SLC30A9: variants seen among roughly 807,000 people sequenced by gnomAD.
The protein encoded by SLC30A9 is solute carrier family 30 member 9.
A neutral mutation model predicts 87.5 loss-of-function variants in SLC30A9; 58 were observed. That is an observed-to-expected ratio of 0.66 (90% CI 0.54 to 0.82). The LOEUF (loss-of-function observed/expected upper bound fraction) is 0.82, where lower values mean the gene tolerates loss of function less well. Ranked by LOEUF, SLC30A9 falls within the 40% of genes least tolerant of loss-of-function variation. The pLI is 0.00. For synonymous variants in SLC30A9, 234 were observed against 233.0 expected, an observed-to-expected ratio of 1.00 and a Z score of -0.04; for missense variants, 557 against 679.1, an observed-to-expected ratio of 0.82 and a Z score of 2.00.
At chr4:41,992,755 G>T (rs1714508523) in intron 1 of SLC30A9, among the ~76,000 whole-genome samples, 1 of 152,128 alleles carries the variant, frequency 6.6e-6, no homozygotes, top group Non-Finnish European at 1.5e-5. Context: ...TTTAGTTTCA[G>T]TAATGAAGCA....
intron 8 of SLC30A9, among the ~76,000 whole-genome samples, chr4:42,043,109 T>C (rs10805094): frequency 0.65 from 99,252 of 151,996 alleles, 36,898 homozygotes; most frequent in East Asian, 0.96. Context: ...GATAAATCCA[T>C]GAAGATGAGG....
At chr4:42,003,242 A>G (rs1213327872) in intron 2 of SLC30A9, among the ~76,000 whole-genome samples, 1 of 152,128 alleles carries the variant, frequency 6.6e-6, no homozygotes, top group African/African-American at 2.4e-5. Flanking sequence ...TAGTTTAGCA[A>G]TTGGTCAGTT....
chr4:42,054,059 A>G (rs1367921111), intron 9 of SLC30A9, among the ~76,000 whole-genome samples: 3 of 152,154 alleles, frequency 2.0e-5, no homozygotes, highest in Non-Finnish European at 2.9e-5. Context: ...TAACAACCAG[A>G]ACTGTACATT....
At chr4:42,004,664 CTTTTTTTTT>C (rs71198699) in intron 2 of SLC30A9, among the ~76,000 whole-genome samples, 1 of 128,324 alleles carries the variant, frequency 7.8e-6, no homozygotes, top group East Asian at 2.2e-4. Context: ...TTTTCTTTTT[CTTTTTTTTT>C]TTTTGAGACC....
chr4:42,035,514 T>TG (rs1716644200), intron 7 of SLC30A9, among the ~76,000 whole-genome samples, 181 bp downstream of exon 7: 3 of 150,658 alleles, frequency 2.0e-5, no homozygotes, highest in Admixed American at 2.0e-4. Context: ...TTTTTTTTTT[T>TG]GAGACAGAGT....
intron 8 of SLC30A9, among the ~76,000 whole-genome samples, chr4:42,045,055 T>C (rs1358107485): frequency 6.6e-6 from 1 of 152,146 alleles, no homozygotes; most frequent in Admixed American, 6.5e-5. Context: ...GGAACATAGC[T>C]AAAGCAGTGT....
chr4:42,043,571 A>T (rs1466618312), intron 8 of SLC30A9, among the ~76,000 whole-genome samples: 1 of 152,218 alleles, frequency 6.6e-6, no homozygotes, highest in Non-Finnish European at 1.5e-5. Context: ...GGACTATGTG[A>T]AAAGACCAAA....
At chr4:42,006,804 A>G (rs1391056425) in intron 2 of SLC30A9, among the ~76,000 whole-genome samples, 3 of 152,096 alleles carry the variant, frequency 2.0e-5, no homozygotes, top group Non-Finnish European at 4.4e-5. Flanking sequence ...TGAAAGTACA[A>G]GAGACGGTGA....
chr4:42,019,400 G>A (rs1219848439), intron 3 of SLC30A9, among the ~76,000 whole-genome samples: 4 of 152,118 alleles, frequency 2.6e-5, no homozygotes, highest in Non-Finnish European at 5.9e-5. Flanking sequence ...TGCCAAATTG[G>A]TATTGGTATT....
Position 42,070,708 on chromosome 4 carries a change from T to G in SLC30A9, c.1418+17T>G. ...ATCAGTAAGGTCAGCCTTATTCCAG[T>G]AATCCTGTTAAGGCTTACAAAAACA... is the stretch of plus-strand genomic sequence containing the variant. On this transcript the variant is annotated intron_variant, in intron 15 of 17. Coordinates refer to ENST00000264451, the MANE Select transcript of SLC30A9 (RefSeq NM_006345.4). 6.2e-7 allele frequency: 1 copy of G among 1,604,994 alleles called. No homozygotes were observed. The highest frequency in any genetic ancestry group is 8.5e-7 in the Non-Finnish European group (1 of 1,174,472).
At chr4:42,072,335 C>T (rs1718345058) in intron 15 of SLC30A9, among the ~76,000 whole-genome samples, 1 of 151,732 alleles carries the variant, frequency 6.6e-6, no homozygotes, top group South Asian at 2.1e-4. Flanking sequence ...GCTCTTTTTC[C>T]ACTGTCTTAA....
At chr4:42,072,295 T>A (rs1204559937) in intron 15 of SLC30A9, among the ~76,000 whole-genome samples, 1 of 152,192 alleles carries the variant, frequency 6.6e-6, no homozygotes, top group East Asian at 1.9e-4. Context: ...TTTATTATTT[T>A]TTTCCTTCTG....
chr4:42,021,465 G>T lies in SLC30A9; in HGVS notation c.434+950G>T, dbSNP rs143872979. ...CATAGTCACAGACTTTTTATTTATA[G>T]ATTGTTTCATTGCTTTAACAAAATT... is the stretch of plus-strand genomic sequence containing the variant. On this transcript the variant is annotated intron_variant, in intron 4 of 17. Transcript: ENST00000264451. Among the ~76,000 whole-genome samples, 77 of 152,236 alleles carry T rather than the reference G, an allele frequency of 5.1e-4. 1 individual carries two copies. Among genetic ancestry groups the T allele is most frequent in the African/African-American group, 1.5e-3 (64 of 41,540 alleles).
intron 7 of SLC30A9, 32 bp from the exon 8 acceptor site, chr4:42,038,954 A>C (rs777051630): frequency 6.4e-7 from 1 of 1,568,556 alleles, no homozygotes; most frequent in East Asian, 2.2e-5. Flanking sequence ...AAAATTTTGG[A>C]GGTATTAAAA....
At chr4:42,053,877 C>A (rs1460519428) in intron 9 of SLC30A9, among the ~76,000 whole-genome samples, 4 of 151,950 alleles carry the variant, frequency 2.6e-5, no homozygotes, top group Non-Finnish European at 5.9e-5. Context: ...TTCTGACTGG[C>A]AACATAGATG....
chr4:42,038,958 A>G, intron 7 of SLC30A9, 28 bp from the exon 8 acceptor site: 1 of 1,596,420 alleles, frequency 6.3e-7, no homozygotes, highest in East Asian at 2.2e-5. Flanking sequence ...TTTTGGAGGT[A>G]TTAAAAAAAG....
intron 8 of SLC30A9, among the ~76,000 whole-genome samples, chr4:42,043,738 G>A (rs1241122712): frequency 1.3e-5 from 2 of 152,106 alleles, no homozygotes; most frequent in Non-Finnish European, 2.9e-5. Flanking sequence ...GACAGTCCTC[G>A]AGAAGAGCAA....
At chr4:42,062,853 C>T (rs1210996191) in intron 10 of SLC30A9, 133 bp from the exon 11 acceptor site, 3 of 751,500 alleles carry the variant, frequency 4.0e-6, no homozygotes, top group African/African-American at 3.6e-5. Flanking sequence ...AAGTTTGGCA[C>T]TTAACATCTT....
chr4:42,033,729 C>T (rs778290761), intron 6 of SLC30A9, among the ~76,000 whole-genome samples: 45 of 152,126 alleles, frequency 3.0e-4, no homozygotes, highest in Admixed American at 1.4e-3. Context: ...GCACATGCCA[C>T]CATGCCTGGC....
Sources: gnomAD v4.1 joint callset for allele counts (sites outside exome capture counted in the v4.1 genomes callset) on GRCh38, gnomAD v4.1.1 for gene constraint, MANE v1.5 for transcripts, NCBI Gene and HGNC (gene_info 2026-07-23, HGNC 2026-07-21) for gene names.